NAV2: variants seen among roughly 807,000 people sequenced by gnomAD.
NAV2 encodes helicase, APC down-regulated 1.
In NAV2, 54 loss-of-function variants were observed where a neutral mutation model predicts 223.2. That is an observed-to-expected ratio of 0.24 (90% confidence interval 0.19 to 0.30). The LOEUF is 0.30. NAV2 is among the 10% of genes least tolerant of loss of function. The pLI is 1.00. For missense variants in NAV2, 2,806 were observed against 3,147.5 expected (o/e 0.89, Z 2.60); for synonymous variants, 1,279 against 1,239.3 (o/e 1.03, Z -0.67).
intron 11 of NAV2, among the ~76,000 whole-genome samples, chr11:20,014,322 C>G (rs1375300875): frequency 6.6e-6 from 1 of 152,132 alleles, no homozygotes; most frequent in Non-Finnish European, 1.5e-5. Context: ...TCTTCATTCC[C>G]CATCCATCTT....
intron 1 of NAV2, among the ~76,000 whole-genome samples, chr11:19,762,926 T>C (rs2054887808): frequency 1.3e-5 from 2 of 152,162 alleles, no homozygotes; most frequent in South Asian, 2.1e-4. Flanking sequence ...AAGTCTTTTT[T>C]ATTCCTTAAC....
chr11:19,989,053 ACGGGAAGAGAC>A (rs530568885), intron 11 of NAV2, among the ~76,000 whole-genome samples: 107 of 152,320 alleles, frequency 7.0e-4, no homozygotes, highest in African/African-American at 2.5e-3. Flanking sequence ...AGCAGCAAAA[ACGGGAAGAGAC>A]TGCTCCCCTC....
intron 1 of NAV2, among the ~76,000 whole-genome samples, chr11:19,614,005 T>C (rs1356971785): frequency 6.6e-6 from 1 of 152,200 alleles, no homozygotes; most frequent in Non-Finnish European, 1.5e-5. Flanking sequence ...CCCAACCTGA[T>C]AATAGGGCTG....
intron 1 of NAV2, among the ~76,000 whole-genome samples, chr11:19,580,022 G>A (rs2045671113): frequency 6.6e-6 from 1 of 152,272 alleles, no homozygotes; most frequent in African/African-American, 2.4e-5. Flanking sequence ...TGTATCTTTT[G>A]GCCTTATGCA....
chr11:19,498,769 G>A (rs2042876672), intron 1 of NAV2, among the ~76,000 whole-genome samples: 1 of 152,184 alleles, frequency 6.6e-6, no homozygotes, highest in Non-Finnish European at 1.5e-5. Flanking sequence ...AAGATGGAAA[G>A]CTTAGGTCCT....
intron 2 of NAV2, among the ~76,000 whole-genome samples, chr11:19,834,581 G>A (rs995819013): frequency 4.6e-5 from 7 of 151,570 alleles, no homozygotes; most frequent in Non-Finnish European, 4.4e-5. Flanking sequence ...TGGTAGGATG[G>A]TCATGGAAAT....
intron 1 of NAV2, among the ~76,000 whole-genome samples, chr11:19,391,773 G>T (rs892087263): frequency 6.6e-6 from 1 of 152,052 alleles, no homozygotes; most frequent in Admixed American, 6.6e-5. Context: ...TTTTCTTTTT[G>T]AGTTTGTTCT....
intron 1 of NAV2, among the ~76,000 whole-genome samples, chr11:19,623,021 T>C (rs1051068265): frequency 1.3e-5 from 2 of 152,224 alleles, no homozygotes; most frequent in Non-Finnish European, 2.9e-5. Flanking sequence ...CCTTCACTTA[T>C]GAAGCTTAGT....
chr11:19,469,826 C>A (rs942497637), intron 1 of NAV2, among the ~76,000 whole-genome samples: 1 of 152,224 alleles, frequency 6.6e-6, no homozygotes, highest in East Asian at 1.9e-4. Context: ...ATTTTCTCAC[C>A]TAGGCAGCTT....
At chr11:19,389,954 C>T (rs1849184878) in intron 1 of NAV2, among the ~76,000 whole-genome samples, 1 of 152,222 alleles carries the variant, frequency 6.6e-6, no homozygotes. Flanking sequence ...GCCCTCTATT[C>T]ATGGCCCAGG....
chr11:19,664,238 G>A (rs1382218001), intron 1 of NAV2, among the ~76,000 whole-genome samples: 4 of 152,102 alleles, frequency 2.6e-5, no homozygotes, highest in African/African-American at 9.7e-5. Context: ...TTTAGTTTAC[G>A]CTCTTGATTG....
At chr11:20,012,067 C>T (rs1347089932) in intron 11 of NAV2, among the ~76,000 whole-genome samples, 4 of 152,196 alleles carry the variant, frequency 2.6e-5, no homozygotes, top group African/African-American at 9.7e-5. Flanking sequence ...TACCCTGAAC[C>T]ATTCACATAC....
At chr11:19,374,320 T>G (rs1202635369) in intron 1 of NAV2, among the ~76,000 whole-genome samples, 7 of 148,298 alleles carry the variant, frequency 4.7e-5, no homozygotes, top group Non-Finnish European at 8.8e-5. Flanking sequence ...TTTTTTTTTT[T>G]TTTTTTTTTT....
intron 1 of NAV2, among the ~76,000 whole-genome samples, chr11:19,533,115 G>T (rs916700899): frequency 6.6e-6 from 1 of 152,166 alleles, no homozygotes; most frequent in African/African-American, 2.4e-5. Context: ...ATGGGAGAAA[G>T]CTTGTTGTCA....
At chr11:19,621,251 G>T (rs2135415372) in intron 1 of NAV2, among the ~76,000 whole-genome samples, 1 of 152,216 alleles carries the variant, frequency 6.6e-6, no homozygotes, top group African/African-American at 2.4e-5. Flanking sequence ...GCCAGGCTTT[G>T]GTATCAGGAT....
chr11:19,480,724 T>C (rs1158772244), intron 1 of NAV2, among the ~76,000 whole-genome samples: 2 of 152,226 alleles, frequency 1.3e-5, no homozygotes. Flanking sequence ...TATCTCCTCA[T>C]GCAGAATTGA....
intron 1 of NAV2, among the ~76,000 whole-genome samples, chr11:19,702,570 G>A (rs1045565330): frequency 2.0e-5 from 3 of 152,124 alleles, no homozygotes; most frequent in Non-Finnish European, 4.4e-5. Context: ...CTTGAGCCCA[G>A]GAGTTAGAGA....
At chr11:19,709,333 G>C (rs2049783778), upstream of NAV2, among the ~76,000 whole-genome samples, 1 of 151,754 alleles carries the variant, frequency 6.6e-6, no homozygotes, top group African/African-American at 2.4e-5. Flanking sequence ...ACGAGGTCAG[G>C]AGGTCGAGAC....
intron 20 of NAV2, among the ~76,000 whole-genome samples, chr11:20,067,449 A>G (rs1323538925): frequency 1.3e-5 from 2 of 152,130 alleles, no homozygotes; most frequent in Non-Finnish European, 2.9e-5. Flanking sequence ...TAGTATAAAT[A>G]TGTCCCTAAT....
Sources: allele counts gnomAD v4.1 joint callset (sites outside exome capture counted in the v4.1 genomes callset), GRCh38; gene constraint gnomAD v4.1.1; transcripts MANE v1.5; gene names NCBI Gene and HGNC (gene_info 2026-07-23, HGNC 2026-07-21).